Variants in MYT1 observed in about 807,000 individuals in gnomAD.
The protein encoded by MYT1 is myelin transcription factor I.
A neutral mutation model predicts 123.0 loss-of-function variants in MYT1; 23 were observed. The observed-to-expected ratio is 0.19, with a 90% CI of 0.13 to 0.26. MYT1 has a LOEUF of 0.26. MYT1 is among the 10% of genes least tolerant of loss of function. The probability of loss-of-function intolerance (pLI) is 1.00; values close to 1 mark genes in which losing one functional copy is unlikely to be tolerated. For missense variants in MYT1, 1,125 were observed against 1,472.5 expected, an observed-to-expected ratio of 0.76 and a Z score of 3.86; for synonymous variants, 518 against 575.3, an observed-to-expected ratio of 0.90 and a Z score of 1.43.
At position 64,168,456 on chromosome 20, in the gene MYT1, G is replaced by A. The variant is rs749303772; in HGVS notation, c.-99+3717G>A. On this transcript the variant is annotated intron_variant, in intron 1 of 22. Transcript: ENST00000328439. The surrounding 1 kb of genome is among the most constrained non-coding windows in gnomAD (Gnocchi z 6.1). ...TTAAAAATGCAATGTTATTTTAATC[G>A]GGAACGAAAGTAACTCAGCGTGCTT... Among the ~76,000 whole-genome samples the A allele has an allele frequency of 1.1e-4, 16 of 152,048 alleles. No individual in the cohort carries two copies. Among genetic ancestry groups the A allele is most frequent in the Non-Finnish European group, 1.9e-4 (13 of 68,022 alleles).
At chr20:64,201,083 G>C (rs992051593) in intron 4 of MYT1, among the ~76,000 whole-genome samples, 3 of 152,226 alleles carry the variant, frequency 2.0e-5, no homozygotes, top group African/African-American at 7.2e-5. Context: ...GACAAAGACG[G>C]AGGAGAATCC....
intron 16 of MYT1, among the ~76,000 whole-genome samples, chr20:64,226,167 C>T (rs920506563): frequency 6.6e-6 from 1 of 152,240 alleles, no homozygotes; most frequent in African/African-American, 2.4e-5. Context: ...CTTCAGTTCT[C>T]TTGGCTGGCC....
chr20:64,239,630 G>A, intron 21 of MYT1, 130 bp from the exon 22 acceptor site: 1 of 1,339,138 alleles, frequency 7.5e-7, no homozygotes, highest in Non-Finnish European at 1.0e-6. Context: ...CAGGAAGGCA[G>A]GGTCCCTGCC....
At chr20:64,188,906 A>G (rs372269814) in intron 1 of MYT1, among the ~76,000 whole-genome samples, 1 of 152,250 alleles carries the variant, frequency 6.6e-6, no homozygotes, top group Admixed American at 6.5e-5. Context: ...AGGTGCACAC[A>G]GTAGGTGCCG....
chr20:64,211,190 G>A lies in MYT1; in HGVS notation c.1292-16G>A. ...CCAGCTTCCTGGCTCTAACTGATGT[G>A]ACTTGTGTGTTTTAGATCCTTCAAG... On this transcript the variant is annotated splice_polypyrimidine_tract_variant and intron_variant, in intron 7 of 22. Transcript: ENST00000328439. 1.2e-6 allele frequency: 2 copies of A among 1,608,158 alleles called. No homozygotes were observed. The highest frequency in any genetic ancestry group is 1.1e-5 in the South Asian group (1 of 89,826).
chr20:64,168,870 G>A lies in MYT1; in HGVS notation c.-99+4131G>A, dbSNP rs1982158615. On this transcript the variant is annotated intron_variant, in intron 1 of 22. Transcript: ENST00000328439. The surrounding 1 kb of genome is among the most constrained non-coding windows in gnomAD (Gnocchi z 6.1). ...GTGAGCACTGGGGATCTGGATGCTC[G>A]GGAGGAAAGGTGGAGGCACCATATG... is the stretch of plus-strand genomic sequence containing the variant. 6.6e-6 allele frequency among the ~76,000 whole-genome samples: 1 copy of A among 152,196 alleles called. No homozygotes were observed. The highest frequency in any genetic ancestry group is 2.4e-5 in the African/African-American group (1 of 41,448).
In MYT1 at chr20:64,240,872, C is replaced by T. The variant is rs1984698880; in HGVS notation, c.*424C>T. The T allele has an allele frequency of 5.8e-6, 1 of 172,896 alleles. No homozygotes were observed. The highest frequency in any genetic ancestry group is 5.7e-5 in the Admixed American group (1 of 17,582). The allele number at this position is 172,896 out of a possible 1,614,324, so 10.7% of individuals were successfully genotyped here. On this transcript the variant is annotated 3_prime_UTR_variant, in exon 23 of 23. Transcript: ENST00000328439. ...GTGGCATCTTGGCCTGGAGGACACG[C>T]CTGGGGCAGCGTGTCTGTGCTCAGT...
chr20:64,200,051 G>A (rs1391060866), intron 4 of MYT1, 129 bp downstream of exon 4: 2 of 1,100,650 alleles, frequency 1.8e-6, no homozygotes, highest in South Asian at 1.3e-5. Flanking sequence ...CTTTCCCTAA[G>A]GAGACTGCCT....
rs762983260 is a variant in MYT1 at position 64,218,979 on chromosome 20, C to T, written c.1915C>T (p.Arg639Cys). ...AATAILNLST[R>C]CWEMPENLST... is the part of the protein sequence containing the mutation. ...CACTGCCATCCTGAACCTCTCCACG[C>T]GCTGCTGGGAGATGCCTGAGAACCT... is the stretch of plus-strand genomic sequence containing the variant. Residue 639 changes from arginine to cysteine, a missense_variant, in exon 12 of 23, where the codon CGC becomes TGC. Around this residue, in one of 4 missense-constraint regions of MYT1, gnomAD observed 429 missense variants for 604.1 expected, o/e 0.71. Coordinates refer to ENST00000328439, the MANE Select transcript of MYT1 (RefSeq NM_004535.3). The surrounding 1 kb of genome is among the most constrained non-coding windows in gnomAD (Gnocchi z 4.0). The T allele has an allele frequency of 1.7e-5, 27 of 1,613,710 alleles. No homozygotes were observed. The highest frequency in any genetic ancestry group is 5.3e-5 in the African/African-American group (4 of 74,928).
chr20:64,225,094 C>T (rs777410080), intron 16 of MYT1, among the ~76,000 whole-genome samples: 9 of 152,206 alleles, frequency 5.9e-5, no homozygotes, highest in Non-Finnish European at 7.3e-5. Flanking sequence ...CCTCCAGGCT[C>T]CTTCAGAAAC....
Position 64,212,023 on chromosome 20 carries a change from C to G in MYT1, c.1427-25C>G, listed in dbSNP as rs373467855. 131 of 1,598,600 alleles carry G rather than the reference C, an allele frequency of 8.2e-5. No homozygotes were observed. The highest frequency in any genetic ancestry group is 1.1e-4 in the Non-Finnish European group (130 of 1,166,840). On this transcript the variant is annotated intron_variant, in intron 8 of 22. Transcript: ENST00000328439. This position sits in a 1 kb window ranked among gnomAD's most constrained non-coding sequence, Gnocchi z 6.8. ...CCCAGATTCTCTGACAGCCTCGGCT[C>G]CCTCCACCCCCTGTTCTCTTACAGT...
chr20:64,178,291 G>A lies in MYT1; in HGVS notation c.-98-11772G>A, dbSNP rs189862039. Among the ~76,000 whole-genome samples, 281 of 152,372 alleles carry A rather than the reference G, an allele frequency of 1.8e-3. 1 individual carries two copies. The highest frequency in any genetic ancestry group is 6.4e-3 in the African/African-American group (267 of 41,582). ...CATCACCAAGGACACTTGCATGGGT[G>A]TTTCCAGCAGAGAGGCCGCTCTCCC... On this transcript the variant is annotated intron_variant, in intron 1 of 22. Coordinates refer to ENST00000328439, the MANE Select transcript of MYT1 (RefSeq NM_004535.3).
chr20:64,222,524 C>T (rs1047614202), intron 14 of MYT1, among the ~76,000 whole-genome samples: 3 of 152,244 alleles, frequency 2.0e-5, no homozygotes, highest in Non-Finnish European at 2.9e-5. Flanking sequence ...TGAGCTGGTC[C>T]GCATGGGGTT....
chr20:64,206,518 A>T (rs1983492014), intron 6 of MYT1, among the ~76,000 whole-genome samples: 1 of 152,144 alleles, frequency 6.6e-6, no homozygotes, highest in Admixed American at 6.5e-5. Context: ...ACCTGGGGTC[A>T]GATGAGGCCC....
intron 3 of MYT1, among the ~76,000 whole-genome samples, chr20:64,199,449 G>T (rs3003137): frequency 0.45 from 68,806 of 152,088 alleles, 16,512 homozygotes; most frequent in African/African-American, 0.58. Flanking sequence ...CGTGCATCTT[G>T]GCAGCCATCA....
rs1984721861 is a variant in MYT1, at chr20:64,241,679, A to C, written c.*1231A>C. The C allele has an allele frequency of 6.6e-6, 1 of 152,624 alleles. No individual in the cohort carries two copies. Among genetic ancestry groups the C allele is most frequent in the African/African-American group, 2.4e-5 (1 of 41,456 alleles). The allele number at this position is 152,624 out of a possible 1,614,324, so 9.5% of individuals were successfully genotyped here. A position where few individuals can be genotyped will look rare whatever the true frequency, so the allele number is the denominator to read the frequency against. On this transcript the variant is annotated 3_prime_UTR_variant, in exon 23 of 23. Transcript: ENST00000328439. This position sits in a 1 kb window ranked among gnomAD's most constrained non-coding sequence, Gnocchi z 4.2. ...CTAGACCCCACACCAGGGCACCCTA[A>C]GAGGGGAAAAAAGTGAATTCAAAGC...
chr20:64,230,161 CA>C (rs1984277533), intron 18 of MYT1, among the ~76,000 whole-genome samples: 1 of 152,168 alleles, frequency 6.6e-6, no homozygotes, highest in Non-Finnish European at 1.5e-5. Context: ...TTCAAGGGAA[CA>C]AAAACAGTTT....
Position 64,164,666 on chromosome 20 carries a change from C to T in MYT1, c.-172C>T, listed in dbSNP as rs1982031017. On this transcript the variant is annotated 5_prime_UTR_variant, in exon 1 of 23. Transcript: ENST00000328439. ...CTCTCCTCCCCCAGTCCACCCTGCA[C>T]CCCCCATGTAAATTTCATGATTGCT... The T allele has an allele frequency of 6.6e-6, 1 of 152,116 alleles. No individual in the cohort carries two copies. The highest frequency in any genetic ancestry group is 1.5e-5 in the Non-Finnish European group (1 of 67,994). 9.4% of individuals were successfully genotyped at this position (152,116 alleles called of 1,614,324 possible).
chr20:64,229,427 T>G (rs1984261083), intron 18 of MYT1, among the ~76,000 whole-genome samples: 2 of 152,206 alleles, frequency 1.3e-5, no homozygotes, highest in African/African-American at 4.8e-5. Flanking sequence ...CTTTCTAATG[T>G]GCTGTCAACT....
Sources: allele counts gnomAD v4.1 joint callset (sites outside exome capture counted in the v4.1 genomes callset), GRCh38; gene constraint gnomAD v4.1.1; regional missense constraint gnomAD v4.1.1; non-coding constraint Gnocchi (gnomAD v3.1); transcripts MANE v1.5; gene names NCBI Gene and HGNC (gene_info 2026-07-23, HGNC 2026-07-21).